CCND3: variants seen among roughly 807,000 people sequenced by gnomAD.
CCND3 encodes G1/S-specific cyclin-D3.
A neutral mutation model predicts 28.7 loss-of-function variants in CCND3; 9 were observed. The ratio of observed to expected loss-of-function variants is 0.31; its 90% CI spans 0.19 to 0.55. The LOEUF (loss-of-function observed/expected upper bound fraction) is 0.55, where lower values mean the gene tolerates loss of function less well. Ranked by LOEUF, CCND3 falls within the 20% of genes least tolerant of loss-of-function variation. The pLI, the probability that CCND3 is intolerant of heterozygous loss-of-function variation, is 0.93. For synonymous variants in CCND3, 164 were observed against 163.9 expected, an observed-to-expected ratio of 1.00 and a Z score of 0.00; for missense variants, 315 against 385.8, an observed-to-expected ratio of 0.82 and a Z score of 1.54.
chr6:41,995,865 C>A (rs951955405), intron 1 of CCND3, among the ~76,000 whole-genome samples: 1 of 151,592 alleles, frequency 6.6e-6, no homozygotes, highest in South Asian at 2.1e-4. Flanking sequence ...ACCAACCTGG[C>A]CAACACAGAG....
intron 1 of CCND3, among the ~76,000 whole-genome samples, chr6:41,975,260 G>A (rs1359486480): frequency 1.3e-5 from 2 of 152,168 alleles, no homozygotes; most frequent in South Asian, 2.1e-4. Flanking sequence ...AGAACACTGT[G>A]AGCTTCGAGT....
chr6:41,946,546 A>G (rs1483379368), upstream of CCND3, among the ~76,000 whole-genome samples: 5 of 130,622 alleles, frequency 3.8e-5, no homozygotes, highest in East Asian at 8.2e-4. Flanking sequence ...GATTGCAGTG[A>G]GCCCAGATCG....
chr6:41,941,072 G>A lies in CCND3; in HGVS notation c.198+380C>T. ...CGCCAGAACCCCGCGAAAGACACAG[G>A]AACCGGCTCCCGGGCGGGGGCGGCC... On this transcript the variant is annotated intron_variant, in intron 1 of 4. Coordinates refer to ENST00000372991, the MANE Select transcript of CCND3 (RefSeq NM_001760.5). This position sits in a 1 kb window ranked among gnomAD's most constrained non-coding sequence, Gnocchi z 6.1. 1 of 1,570,550 alleles carries A rather than the reference G, an allele frequency of 6.4e-7. No individual in the cohort carries two copies. The highest frequency in any genetic ancestry group is 8.6e-7 in the Non-Finnish European group (1 of 1,157,264).
intron 1 of CCND3, among the ~76,000 whole-genome samples, chr6:42,012,792 A>G (rs192901857): frequency 1.1e-3 from 165 of 152,296 alleles, no homozygotes; most frequent in Non-Finnish European, 1.9e-3. Flanking sequence ...ACCTGGAACT[A>G]AAAGGAGCTG....
chr6:42,010,572 G>C (rs960504585), intron 1 of CCND3, among the ~76,000 whole-genome samples: 1 of 152,176 alleles, frequency 6.6e-6, no homozygotes, highest in African/African-American at 2.4e-5. Flanking sequence ...ATCTAGCGGG[G>C]CCCCTTCCCA....
rs115852485 is a variant in CCND3 at position 41,939,753 on chromosome 6, G to A, written c.414+617C>T. ...TGTTTCCACCAGGCCCAAAGCAGCT[G>A]CTCCAGTTCCTCAGAATGAGGACGA... On this transcript the variant is annotated intron_variant, in intron 2 of 4. Coordinates refer to ENST00000372991, the MANE Select transcript of CCND3 (RefSeq NM_001760.5). This position sits in a 1 kb window ranked among gnomAD's most constrained non-coding sequence, Gnocchi z 4.2. Among the ~76,000 whole-genome samples, 896 of 152,290 alleles carry A rather than the reference G, an allele frequency of 5.9e-3. 11 individuals carry two copies. The highest frequency in any genetic ancestry group is 0.02 in the African/African-American group (851 of 41,556).
chr6:41,984,041 T>C (rs1762415229), intron 1 of CCND3, among the ~76,000 whole-genome samples: 1 of 152,220 alleles, frequency 6.6e-6, no homozygotes, highest in South Asian at 2.1e-4. Context: ...AAGTGAATTA[T>C]GAAATATTGA....
At position 41,992,680 on chromosome 6, in the gene CCND3, C is replaced by T. The variant is rs942412187; in HGVS notation, c.-45-52095G>A. 2.6e-5 allele frequency among the ~76,000 whole-genome samples: 4 copies of T among 151,988 alleles called. No homozygotes were observed. The South Asian group carries it at 8.3e-4, about 32-fold the overall frequency. Reference sequence around the variant, plus strand: ...GCCAGGCTGGTCTCGAACTCCTGACCTTGTGATACACTGGTCTCGGCCTCC... The same window carrying T: ...GCCAGGCTGGTCTCGAACTCCTGACTTTGTGATACACTGGTCTCGGCCTCC... On this transcript the variant is annotated intron_variant, in intron 1 of 4. Transcript: ENST00000372988.
In CCND3 at chr6:41,960,339, C is replaced by A. The variant is rs115399151; in HGVS notation, c.-45-19754G>T. On this transcript the variant is annotated intron_variant, in intron 1 of 4. Coordinates refer to the CCND3 transcript ENST00000372988. ...GGTAGTAGCTACATAGCTCTGTAAG[C>A]ATGCTAAAAACTAAAAAGATTGTAC... 1.5e-3 allele frequency among the ~76,000 whole-genome samples: 235 copies of A among 152,304 alleles called. 1 individual carries two copies. The highest frequency in any genetic ancestry group is 5.5e-3 in the African/African-American group (227 of 41,560).
intron 1 of CCND3, among the ~76,000 whole-genome samples, chr6:42,019,384 G>A (rs1422466470): frequency 6.6e-6 from 1 of 151,350 alleles, no homozygotes; most frequent in Non-Finnish European, 1.5e-5. Context: ...AGCTACTTGG[G>A]AGGCTGAGGC....
intron 1 of CCND3, among the ~76,000 whole-genome samples, chr6:42,024,422 A>C (rs1406724402): frequency 7.4e-6 from 1 of 134,392 alleles, no homozygotes; most frequent in Non-Finnish European, 1.6e-5. Flanking sequence ...AAATAATAAT[A>C]ATTCACCCTG....
chr6:41,935,486 C>CCCTCA lies in CCND3; in HGVS notation c.*449_*453dup. 1 of 282,826 alleles carries CCCTCA rather than the reference C, an allele frequency of 3.5e-6. No individual in the cohort carries two copies. Among genetic ancestry groups the CCCTCA allele is most frequent in the East Asian group, 5.3e-5 (1 of 18,934 alleles). 17.5% of individuals were successfully genotyped at this position (282,826 alleles called of 1,614,324 possible). A position where few individuals can be genotyped will look rare whatever the true frequency, so the allele number is the denominator to read the frequency against. On this transcript the variant is annotated 3_prime_UTR_variant, in exon 5 of 5. Coordinates refer to ENST00000372991, the MANE Select transcript of CCND3 (RefSeq NM_001760.5). ...TGAGAGGAGCCATCTAGACTATTCC[C>CCCTCA]CCTCATATGTGTCTATCATGCATTA...
In CCND3 at chr6:41,941,096, C is replaced by T; in HGVS notation, c.198+356G>A. On this transcript the variant is annotated intron_variant, in intron 1 of 4. Coordinates refer to ENST00000372991, the MANE Select transcript of CCND3 (RefSeq NM_001760.5). The surrounding 1 kb of genome is among the most constrained non-coding windows in gnomAD (Gnocchi z 6.1). Reference sequence around the variant, plus strand: ...GGAACCGGCTCCCGGGCGGGGGCGGCCGAGCCCAGGGTTTTCCAGGCGCGC... The same window carrying T: ...GGAACCGGCTCCCGGGCGGGGGCGGTCGAGCCCAGGGTTTTCCAGGCGCGC... 7 of 1,543,994 alleles carry T rather than the reference C, an allele frequency of 4.5e-6. 1 individual carries two copies. The South Asian group carries it at 8.7e-5, about 19-fold the overall frequency.
chr6:42,025,615 G>A (rs75804636), intron 1 of CCND3, among the ~76,000 whole-genome samples: 501 of 152,296 alleles, frequency 3.3e-3, no homozygotes, highest in African/African-American at 0.01. Context: ...CCTCCCCTCC[G>A]GCACTCTGGC....
chr6:41,937,646 A>T, intron 2 of CCND3: 1 of 541,262 alleles, frequency 1.8e-6, no homozygotes, highest in Non-Finnish European at 3.3e-6. Context: ...TATCCCTTTT[A>T]ATCCTGTCTG....
At chr6:41,998,047 G>C (rs927141009) in intron 1 of CCND3, among the ~76,000 whole-genome samples, 1 of 151,320 alleles carries the variant, frequency 6.6e-6, no homozygotes, top group Non-Finnish European at 1.5e-5. Flanking sequence ...CCAGCATTTT[G>C]GGAGGCCAAG....
intron 1 of CCND3, among the ~76,000 whole-genome samples, chr6:41,992,650 T>C (rs1762689021): frequency 6.6e-6 from 1 of 151,902 alleles, no homozygotes; most frequent in Non-Finnish European, 1.5e-5. Context: ...GGTTTCACCA[T>C]GTTGGCCAGG....
Position 41,936,074 on chromosome 6 carries a change from C to G in CCND3, c.745G>C (p.Ala249Pro). 6.2e-7 allele frequency: 1 copy of G among 1,609,002 alleles called. No homozygotes were observed. Among genetic ancestry groups the G allele is most frequent in the Non-Finnish European group, 8.5e-7 (1 of 1,177,256 alleles). ...TCCCTGAGGCTCTCCCTGAGTGCAG[C>G]TTCGATCTGCTCCTGACAGGCCCGC... ...CLRACQEQIEAALRESLREAS... is the reference protein window; with the variant it reads ...CLRACQEQIEPALRESLREAS... Residue 249 changes from alanine (A) to proline (P), a missense_variant, in exon 5 of 5, where the codon GCT becomes CCT. By Grantham distance (27) the Ala-to-Pro change is conservative (BLOSUM62 -1). Coordinates refer to ENST00000372991, the MANE Select transcript of CCND3 (RefSeq NM_001760.5). This position sits in a 1 kb window ranked among gnomAD's most constrained non-coding sequence, Gnocchi z 4.4.
At chr6:42,005,415 G>A (rs1320319198) in intron 1 of CCND3, among the ~76,000 whole-genome samples, 2 of 151,666 alleles carry the variant, frequency 1.3e-5, no homozygotes, top group Non-Finnish European at 2.9e-5. Flanking sequence ...GGTGGTGCAC[G>A]CCTGTAGTCC....
Sources: gnomAD v4.1 joint callset for allele counts (sites outside exome capture counted in the v4.1 genomes callset) on GRCh38, gnomAD v4.1.1 for gene constraint, Gnocchi (gnomAD v3.1) non-coding constraint, MANE v1.5 for transcripts, NCBI Gene and HGNC (gene_info 2026-07-23, HGNC 2026-07-21) for gene names.